ITPRID1: variants seen among roughly 807,000 people sequenced by gnomAD.
ITPRID1 encodes ITPR interacting domain containing 1, also known as protein ITPRID1.
A neutral mutation model predicts 95.4 loss-of-function variants in ITPRID1; 96 were observed. The ratio of observed to expected loss-of-function variants is 1.01; its 90% CI spans 0.85 to 1.19. ITPRID1 has a LOEUF of 1.19. Among genes scored for constraint, ITPRID1 ranks in the 50% most tolerant of loss-of-function variants. The pLI is 0.00. For missense variants in ITPRID1, 1,339 were observed against 1,252.9 expected (o/e 1.07, Z -1.04); for synonymous variants, 510 against 453.6 (o/e 1.12, Z -1.58).
At chr7:31,553,343 G>A (rs1039063318) in intron 3 of ITPRID1, among the ~76,000 whole-genome samples, 156 bp downstream of exon 3, 6 of 152,164 alleles carry the variant, frequency 3.9e-5, no homozygotes, top group Non-Finnish European at 8.8e-5. Context: ...TTATGAAATG[G>A]GCACTTCTGA....
chr7:31,620,051 G>C (rs955983980), intron 10 of ITPRID1, among the ~76,000 whole-genome samples: 4 of 152,192 alleles, frequency 2.6e-5, no homozygotes, highest in African/African-American at 9.6e-5. Flanking sequence ...AGCGAGGCTG[G>C]GGGAGGGGTG....
chr7:31,520,562 T>A (rs1294731374), intron 1 of ITPRID1, among the ~76,000 whole-genome samples: 66 of 50,240 alleles, frequency 1.3e-3, no homozygotes, highest in South Asian at 2.3e-3. Flanking sequence ...TGTGTGTGTG[T>A]GTGAGAGAGA....
chr7:31,578,707 G>A lies in ITPRID1; in HGVS notation c.1170+273G>A, dbSNP rs145297399. On this transcript the variant is annotated intron_variant, in intron 9 of 14. Transcript: ENST00000615280. ...TTTCTGACTTTGCTTTGGCTCAATT[G>A]TTTTATGTACCTGTATGTATGCTTT... Among the ~76,000 whole-genome samples the A allele has an allele frequency of 1.7e-4, 26 of 152,232 alleles. No individual in the cohort carries two copies. In the East Asian group the frequency reaches 4.4e-3, roughly 26 times the overall value.
At chr7:31,596,612 C>T (rs1419713660) in intron 10 of ITPRID1, among the ~76,000 whole-genome samples, 1 of 151,640 alleles carries the variant, frequency 6.6e-6, no homozygotes, top group East Asian at 1.9e-4. Context: ...ACATCATCAA[C>T]TTGACAGATT....
chr7:31,550,200 CTT>C (rs60891720), intron 2 of ITPRID1, among the ~76,000 whole-genome samples: 19,370 of 136,812 alleles, frequency 0.14, 1,552 homozygotes, highest in Non-Finnish European at 0.2. Context: ...TTTGCATCCT[CTT>C]TTTTTTTTTT....
chr7:31,566,860 C>G lies in ITPRID1; in HGVS notation c.257-2898C>G, dbSNP rs186818222. On this transcript the variant is annotated intron_variant, in intron 5 of 14. Transcript: ENST00000615280. ...GAATGCCGCAATGGATTAGCCATGCCTGCCTAGCTGAATTGGGTATTGACT... is the reference window on the plus strand; with the variant it reads ...GAATGCCGCAATGGATTAGCCATGCGTGCCTAGCTGAATTGGGTATTGACT... Among the ~76,000 whole-genome samples, 539 of 152,274 alleles carry G rather than the reference C, an allele frequency of 3.5e-3. 1 individual carries two copies. The highest frequency in any genetic ancestry group is 0.012 in the African/African-American group (507 of 41,552).
chr7:31,633,332 C>G (rs1398801173), intron 10 of ITPRID1, among the ~76,000 whole-genome samples: 1 of 152,248 alleles, frequency 6.6e-6, no homozygotes, highest in African/African-American at 2.4e-5. Context: ...GTGGCCAATA[C>G]AAAGACGAAT....
chr7:31,597,844 G>T (rs367958084), intron 10 of ITPRID1, among the ~76,000 whole-genome samples: 2 of 152,226 alleles, frequency 1.3e-5, no homozygotes, highest in South Asian at 4.1e-4. Flanking sequence ...AAAGATCATG[G>T]AGAAGGAATT....
intron 10 of ITPRID1, among the ~76,000 whole-genome samples, chr7:31,588,228 T>C (rs1583538333): frequency 6.7e-6 from 1 of 149,128 alleles, no homozygotes; most frequent in Admixed American, 6.7e-5. Flanking sequence ...GTGGAGGGAG[T>C]TTCAACACAT....
At position 31,569,703 on chromosome 7, in the gene ITPRID1, T is replaced by C. The variant is rs17160268; in HGVS notation, c.257-55T>C. On this transcript the variant is annotated intron_variant, in intron 5 of 14. Transcript: ENST00000615280. ...TTGGTTTCATTTGGGGTTGAGAAAATCTTCCGCAAGATAAAACGAAATAAA... is the reference window on the plus strand; with the variant it reads ...TTGGTTTCATTTGGGGTTGAGAAAACCTTCCGCAAGATAAAACGAAATAAA... 2.3e-5 allele frequency: 35 copies of C among 1,494,622 alleles called. No homozygotes were observed. In the South Asian group the frequency reaches 2.4e-4, roughly 10 times the overall value. The allele number at this position is 1,494,622 out of a possible 1,614,324, so 92.6% of individuals were successfully genotyped here.
intron 10 of ITPRID1, among the ~76,000 whole-genome samples, chr7:31,616,439 G>A (rs1787237860): frequency 6.6e-6 from 1 of 151,874 alleles, no homozygotes; most frequent in Non-Finnish European, 1.5e-5. Context: ...TCCCAGAAAT[G>A]GACCTCAGGG....
At chr7:31,619,817 G>A (rs189814790) in intron 10 of ITPRID1, among the ~76,000 whole-genome samples, 27 of 152,262 alleles carry the variant, frequency 1.8e-4, no homozygotes, top group East Asian at 9.7e-4. Context: ...TGCCTCCCTC[G>A]GGAAGCGCAA....
Position 31,646,289 on chromosome 7 carries a change from G to A in ITPRID1, c.2583+2336G>A, listed in dbSNP as rs77506320. ...AGCACAGCCCAGTAAGACCATTAAT[G>A]TAAAAGGTTTGAGAGTCTGTGAGGT... On this transcript the variant is annotated intron_variant, in intron 12 of 14. Coordinates refer to ENST00000615280, the MANE Select transcript of ITPRID1 (RefSeq NM_001257967.3). Among the ~76,000 whole-genome samples, 491 of 152,286 alleles carry A rather than the reference G, an allele frequency of 3.2e-3. 2 individuals carry two copies. The highest frequency in any genetic ancestry group is 0.021 in the South Asian group (100 of 4,826).
At chr7:31,639,046 G>A (rs573954384) in intron 10 of ITPRID1, among the ~76,000 whole-genome samples, 7 of 152,246 alleles carry the variant, frequency 4.6e-5, no homozygotes, top group African/African-American at 9.6e-5. Context: ...CAAAGTGCTG[G>A]GATTACAGGT....
At chr7:31,631,187 A>T (rs568311937) in intron 10 of ITPRID1, among the ~76,000 whole-genome samples, 96 of 151,664 alleles carry the variant, frequency 6.3e-4, no homozygotes, top group African/African-American at 2.2e-3. Context: ...AAGAGCAGAT[A>T]AAAAAAAAGA....
Position 31,547,425 on chromosome 7 carries a change from A to G in ITPRID1, c.-97-2001A>G, listed in dbSNP as rs550087343. ...GGGAAGGAAACACGTCCTTCTTCCC[A>G]TGGTGGCAGCAAGGAGAAGTGCAGA... On this transcript the variant is annotated intron_variant, in intron 1 of 14. Coordinates refer to ENST00000615280, the MANE Select transcript of ITPRID1 (RefSeq NM_001257967.3). 1.2e-4 allele frequency among the ~76,000 whole-genome samples: 14 copies of G among 114,154 alleles called. No individual in the cohort carries two copies. In the South Asian group the frequency reaches 2.0e-3, roughly 16 times the overall value. The allele number at this position is 114,154 out of a possible 152,430, so 74.9% of individuals were successfully genotyped here. A position where few individuals can be genotyped will look rare whatever the true frequency, so the allele number is the denominator to read the frequency against.
At chr7:31,642,630 T>C in intron 11 of ITPRID1, 52 bp from the exon 12 acceptor site, 2 of 1,519,748 alleles carry the variant, frequency 1.3e-6, no homozygotes, top group Non-Finnish European at 1.8e-6. Context: ...CTTAAACCTA[T>C]TGCCTCCTCC....
intron 10 of ITPRID1, among the ~76,000 whole-genome samples, chr7:31,618,379 C>T (rs1178021976): frequency 2.0e-5 from 3 of 152,154 alleles, no homozygotes; most frequent in African/African-American, 4.8e-5. Context: ...TTCCTGCTAA[C>T]ACACACCACT....
chr7:31,609,594 A>G (rs1786776855), intron 10 of ITPRID1, among the ~76,000 whole-genome samples: 1 of 151,578 alleles, frequency 6.6e-6, no homozygotes, highest in African/African-American at 2.4e-5. Context: ...CATTCACAGT[A>G]TTTGTATAAT....
Sources: gnomAD v4.1 joint callset for allele counts (sites outside exome capture counted in the v4.1 genomes callset) on GRCh38, gnomAD v4.1.1 for gene constraint, MANE v1.5 for transcripts, NCBI Gene and HGNC (gene_info 2026-07-23, HGNC 2026-07-21) for gene names.